URI1: variants seen among roughly 807,000 people sequenced by gnomAD.
URI1 encodes the protein URI1 prefoldin like chaperone, also known as unconventional prefoldin RPB5 interactor 1.
URI1 carries 39 observed loss-of-function variants against 60.2 expected under a neutral mutation model. The ratio of observed to expected loss-of-function variants is 0.65; its 90% CI spans 0.50 to 0.85. URI1 has a LOEUF of 0.85. Ranked by LOEUF, URI1 falls within the 40% of genes least tolerant of loss-of-function variation. URI1 has a pLI of 0.00. For missense variants in URI1, 691 were observed against 665.9 expected (o/e 1.04, Z -0.42); for synonymous variants, 251 against 236.8 (o/e 1.06, Z -0.55).
intron 1 of URI1, among the ~76,000 whole-genome samples, chr19:29,953,004 A>T (rs1346434944): frequency 2.0e-5 from 3 of 152,144 alleles, no homozygotes; most frequent in Non-Finnish European, 4.4e-5. Flanking sequence ...TAGGGATTTC[A>T]TGATTTTAGC....
At chr19:29,960,043 A>G (rs1357028601) in intron 1 of URI1, among the ~76,000 whole-genome samples, 1 of 152,174 alleles carries the variant, frequency 6.6e-6, no homozygotes, top group Non-Finnish European at 1.5e-5. Context: ...TCATTTAAAA[A>G]TAGTTTCTAA....
At chr19:29,968,578 T>C (rs998773374) in intron 1 of URI1, among the ~76,000 whole-genome samples, 28 of 136,956 alleles carry the variant, frequency 2.0e-4, no homozygotes, top group African/African-American at 7.3e-4. Flanking sequence ...TTTTTTTTTT[T>C]TTTTTTTTTT....
intron 2 of URI1, among the ~76,000 whole-genome samples, chr19:29,972,519 A>C (rs2055472324): frequency 6.6e-6 from 1 of 152,144 alleles, no homozygotes; most frequent in African/African-American, 2.4e-5. Context: ...GAAATTAGAA[A>C]GGTATTCACT....
intron 1 of URI1, among the ~76,000 whole-genome samples, chr19:29,926,938 T>C (rs1341836745): frequency 1.3e-5 from 2 of 152,184 alleles, no homozygotes; most frequent in Admixed American, 6.5e-5. Flanking sequence ...GTACTGAGTC[T>C]GGCTCTGCCT....
At chr19:29,971,288 C>A in intron 2 of URI1, 61 bp downstream of exon 2, 2 of 1,542,466 alleles carry the variant, frequency 1.3e-6, no homozygotes, top group South Asian at 1.1e-5. Context: ...TACTTGTGTT[C>A]AAATAATGTG....
chr19:29,980,235 G>A (rs1361930002), intron 2 of URI1: 1 of 151,922 alleles, frequency 6.6e-6, no homozygotes, highest in Non-Finnish European at 1.5e-5. Context: ...CAAACAATCA[G>A]AAAGGCATGC....
chr19:29,997,833 C>T (rs555143885), intron 4 of URI1, among the ~76,000 whole-genome samples: 4 of 152,206 alleles, frequency 2.6e-5, no homozygotes, highest in East Asian at 3.9e-4. Context: ...GGTGCAATAT[C>T]GGCTCACTGT....
chr19:29,968,045 AG>A (rs2055411163), intron 1 of URI1, among the ~76,000 whole-genome samples: 1 of 152,192 alleles, frequency 6.6e-6, no homozygotes, highest in African/African-American at 2.4e-5. Flanking sequence ...ACTCCTAAAT[AG>A]TGGTAAATCA....
chr19:29,953,890 T>C lies in URI1; in HGVS notation c.117+11226T>C, dbSNP rs374288674. ...TCTTAATAGGAAAATTTTCTTTTGA[T>C]TCCTTGGAAGGCCTCTAAGAGAAGA... is the stretch of plus-strand genomic sequence containing the variant. On this transcript the variant is annotated intron_variant, in intron 1 of 10. Coordinates refer to ENST00000392271, the MANE Select transcript of URI1 (RefSeq NM_003796.3). Among the ~76,000 whole-genome samples the C allele has an allele frequency of 2.4e-4, 36 of 152,266 alleles. No individual in the cohort carries two copies. In the South Asian group the frequency reaches 7.5e-3, roughly 32 times the overall value.
chr19:29,951,729 G>A (rs1197701879), intron 1 of URI1, among the ~76,000 whole-genome samples: 1 of 151,978 alleles, frequency 6.6e-6, no homozygotes, highest in Non-Finnish European at 1.5e-5. Flanking sequence ...TGTATTTTTA[G>A]TAGAGACGAG....
Position 30,015,251 on chromosome 19 carries a change from A to G in URI1, c.*182A>G, listed in dbSNP as rs1332289915. 1 of 1,414,368 alleles carries G rather than the reference A, an allele frequency of 7.1e-7. No individual in the cohort carries two copies. Among genetic ancestry groups the G allele is most frequent in the Non-Finnish European group, 9.2e-7 (1 of 1,088,984 alleles). The allele number at this position is 1,414,368 out of a possible 1,614,324, so 87.6% of individuals were successfully genotyped here. On this transcript the variant is annotated 3_prime_UTR_variant, in exon 11 of 11. Coordinates refer to ENST00000392271, the MANE Select transcript of URI1 (RefSeq NM_003796.3). Reference sequence around the variant, plus strand: ...ATCAAGGTAACTGTCTGAATACTTTAATATCAGCTTGTTTTGTGAATTCTC... The same window carrying G: ...ATCAAGGTAACTGTCTGAATACTTTGATATCAGCTTGTTTTGTGAATTCTC...
At position 29,977,781 on chromosome 19, in the gene URI1, G is replaced by A. The variant is rs77841415; in HGVS notation, c.152+6554G>A. Among the ~76,000 whole-genome samples, 885 of 151,722 alleles carry A rather than the reference G, an allele frequency of 5.8e-3. 33 individuals are homozygous for A. In the East Asian group the frequency reaches 0.08, roughly 14 times the overall value. ...TAGTGATTAAGTGAGTTTGGAACTC[G>A]TGTGTAATGTTTCAAAGCAAATTAA... On this transcript the variant is annotated intron_variant, in intron 2 of 10. Transcript: ENST00000392271.
intron 2 of URI1, among the ~76,000 whole-genome samples, chr19:29,971,770 ACTTTC>A (rs945297286): frequency 1.3e-5 from 2 of 151,834 alleles, no homozygotes; most frequent in African/African-American, 4.8e-5. Context: ...TAAATAACAC[ACTTTC>A]CTTTGGCTTC....
upstream of URI1, chr19:29,937,592 T>A (rs1029137436): frequency 2.0e-5 from 3 of 152,360 alleles, no homozygotes; most frequent in South Asian, 6.2e-4. Context: ...GCAAAGTGTG[T>A]AGTCCTTATT....
At chr19:30,000,143 C>A (rs558521564) in intron 4 of URI1, among the ~76,000 whole-genome samples, 1 of 151,814 alleles carries the variant, frequency 6.6e-6, no homozygotes, top group South Asian at 2.1e-4. Flanking sequence ...TTATGTAATT[C>A]CATTTTGTTC....
chr19:29,980,108 T>C (rs902117878), intron 2 of URI1: 5 of 152,208 alleles, frequency 3.3e-5, no homozygotes, highest in African/African-American at 1.2e-4. Flanking sequence ...TCTCTTTATC[T>C]ATATAGAATC....
At chr19:29,936,299 C>T (rs542389649) in intron 1 of URI1, among the ~76,000 whole-genome samples, 43 of 151,896 alleles carry the variant, frequency 2.8e-4, no homozygotes, top group African/African-American at 6.5e-4. Context: ...AATGGGGTTT[C>T]GCCATATTGG....
intron 4 of URI1, among the ~76,000 whole-genome samples, chr19:29,987,874 C>A (rs1465534936): frequency 2.0e-5 from 3 of 152,000 alleles, no homozygotes; most frequent in Non-Finnish European, 4.4e-5. Context: ...TTTCCTGTTA[C>A]AATAAATTCT....
intron 1 of URI1, among the ~76,000 whole-genome samples, chr19:29,955,415 T>C (rs142764223): frequency 2.0e-5 from 3 of 152,298 alleles, no homozygotes; most frequent in East Asian, 1.9e-4. Flanking sequence ...TTGTTTCTCA[T>C]TTGTGAAGTA....
Sources: gnomAD v4.1 joint callset for allele counts (sites outside exome capture counted in the v4.1 genomes callset) on GRCh38, gnomAD v4.1.1 for gene constraint, MANE v1.5 for transcripts, NCBI Gene and HGNC (gene_info 2026-07-23, HGNC 2026-07-21) for gene names.